RBFOX1: variants seen among roughly 807,000 people sequenced by gnomAD.
RBFOX1 encodes the protein RNA binding protein fox-1 homolog 1.
RBFOX1 carries 8 observed loss-of-function variants against 57.7 expected under a neutral mutation model. The ratio of observed to expected loss-of-function variants is 0.14; its 90% CI spans 0.08 to 0.25. RBFOX1 has a LOEUF of 0.25. Ranked by LOEUF, RBFOX1 falls within the 10% of genes least tolerant of loss-of-function variation. RBFOX1 has a pLI of 1.00. For synonymous variants in RBFOX1, 326 were observed against 222.4 expected (o/e 1.47, Z -4.15); for missense variants, 611 against 548.5 (o/e 1.11, Z -1.14).
chr16:7,082,101 C>T (rs137983104), intron 4 of RBFOX1, among the ~76,000 whole-genome samples: 2 of 152,282 alleles, frequency 1.3e-5, no homozygotes, highest in African/African-American at 2.4e-5. Flanking sequence ...TCTGGGAGAA[C>T]CACTCTGGAG....
chr16:5,792,205 G>T (rs919296139), intron 3 of RBFOX1, among the ~76,000 whole-genome samples: 1 of 152,216 alleles, frequency 6.6e-6, no homozygotes, highest in African/African-American at 2.4e-5. Flanking sequence ...ATGTGTGTAT[G>T]CTGCTGGCAC....
At chr16:6,613,429 T>G (rs1376658892) in intron 2 of RBFOX1, among the ~76,000 whole-genome samples, 1 of 152,028 alleles carries the variant, frequency 6.6e-6, no homozygotes, top group Non-Finnish European at 1.5e-5. Flanking sequence ...GGTGTGGTGT[T>G]TAGTACGTGA....
intron 1 of RBFOX1, among the ~76,000 whole-genome samples, chr16:6,027,901 C>T (rs988713107): frequency 6.6e-6 from 1 of 152,166 alleles, no homozygotes; most frequent in African/African-American, 2.4e-5. Flanking sequence ...GTGTGGAGTT[C>T]CGCCTGCAGA....
chr16:6,712,618 T>C (rs2063922315), intron 3 of RBFOX1, among the ~76,000 whole-genome samples: 1 of 152,176 alleles, frequency 6.6e-6, no homozygotes, highest in South Asian at 2.1e-4. Context: ...CATTCCTTTA[T>C]TCAGAAAATG....
At chr16:5,567,779 A>G (rs939569216) in intron 2 of RBFOX1, among the ~76,000 whole-genome samples, 1 of 152,048 alleles carries the variant, frequency 6.6e-6, no homozygotes, top group African/African-American at 2.4e-5. Flanking sequence ...CGTCACCTAT[A>G]CTGATTAGGT....
At chr16:5,867,135 G>A (rs1035029850) in intron 3 of RBFOX1, among the ~76,000 whole-genome samples, 4 of 146,738 alleles carry the variant, frequency 2.7e-5, no homozygotes, top group Non-Finnish European at 4.5e-5. Flanking sequence ...TGCTGTGCTT[G>A]GTGGAAGAAA....
chr16:6,955,252 AG>A (rs1211643917), intron 3 of RBFOX1, among the ~76,000 whole-genome samples: 1 of 152,082 alleles, frequency 6.6e-6, no homozygotes, highest in African/African-American at 2.4e-5. Context: ...GAAGAAAAAA[AG>A]AAAAAAAGAA....
intron 3 of RBFOX1, among the ~76,000 whole-genome samples, chr16:6,993,938 G>C (rs1324161866): frequency 4.6e-5 from 7 of 152,194 alleles, no homozygotes; most frequent in Non-Finnish European, 7.3e-5. Context: ...GTGCCTAAAT[G>C]ATTTGGTGCA....
chr16:5,341,371 C>T (rs2065027305), intron 1 of RBFOX1, among the ~76,000 whole-genome samples: 1 of 152,114 alleles, frequency 6.6e-6, no homozygotes, highest in Non-Finnish European at 1.5e-5. Context: ...ACAGGGAATC[C>T]ATCTGGCCCA....
chr16:6,782,148 G>T (rs558528127), intron 3 of RBFOX1, among the ~76,000 whole-genome samples: 1 of 151,940 alleles, frequency 6.6e-6, no homozygotes, highest in Admixed American at 6.6e-5. Flanking sequence ...CTGGGACTAC[G>T]GGCATGCACC....
At chr16:6,189,899 C>G (rs1309739391) in intron 1 of RBFOX1, among the ~76,000 whole-genome samples, 1 of 152,040 alleles carries the variant, frequency 6.6e-6, no homozygotes, top group Non-Finnish European at 1.5e-5. Context: ...CTTTGGTTGC[C>G]TGTGCTTGAG....
chr16:6,192,467 C>T (rs1002134799), intron 1 of RBFOX1, among the ~76,000 whole-genome samples: 1 of 152,090 alleles, frequency 6.6e-6, no homozygotes, highest in East Asian at 1.9e-4. Context: ...CTTCCCTCTC[C>T]ATTTTCCCCT....
intron 3 of RBFOX1, among the ~76,000 whole-genome samples, chr16:6,989,433 A>C (rs1223039694): frequency 6.6e-6 from 1 of 152,170 alleles, no homozygotes; most frequent in Admixed American, 6.5e-5. Flanking sequence ...TGCAATTAGA[A>C]CTTTTTTTCC....
At chr16:6,643,885 G>T (rs775380713) in intron 2 of RBFOX1, among the ~76,000 whole-genome samples, 1 of 152,032 alleles carries the variant, frequency 6.6e-6, no homozygotes, top group East Asian at 1.9e-4. Context: ...CAGCACTTTC[G>T]GAGGCCAAGG....
At chr16:6,941,618 C>G (rs1012266738) in intron 3 of RBFOX1, among the ~76,000 whole-genome samples, 1 of 151,684 alleles carries the variant, frequency 6.6e-6, no homozygotes, top group Admixed American at 6.6e-5. Context: ...CCTCCTCTGC[C>G]CTTCATACCT....
At chr16:6,315,602 T>C (rs950133422) in intron 1 of RBFOX1, among the ~76,000 whole-genome samples, 1 of 150,874 alleles carries the variant, frequency 6.6e-6, no homozygotes, top group African/African-American at 2.4e-5. Flanking sequence ...GATAGATGGA[T>C]GGATGAATGA....
At chr16:7,700,925 CCA>C (rs2080475673) in intron 14 of RBFOX1, among the ~76,000 whole-genome samples, 2 of 152,072 alleles carry the variant, frequency 1.3e-5, no homozygotes, top group Admixed American at 6.6e-5. Context: ...CTTTTAGATG[CCA>C]CAGTGTTGGA....
intron 3 of RBFOX1, among the ~76,000 whole-genome samples, chr16:6,764,531 C>T (rs188143910): frequency 2.0e-5 from 3 of 152,268 alleles, no homozygotes; most frequent in Admixed American, 2.0e-4. Context: ...AATGTTGGAG[C>T]AACAACAGGA....
chr16:5,416,877 C>A (rs568154786), intron 1 of RBFOX1, among the ~76,000 whole-genome samples: 1 of 152,128 alleles, frequency 6.6e-6, no homozygotes, highest in African/African-American at 2.4e-5. Flanking sequence ...CGGCATAACC[C>A]AGCCCATCCT....
Sources: allele counts gnomAD v4.1 joint callset (sites outside exome capture counted in the v4.1 genomes callset), GRCh38; gene constraint gnomAD v4.1.1; transcripts MANE v1.5; gene names NCBI Gene and HGNC (gene_info 2026-07-23, HGNC 2026-07-21).